Variants in STX7 observed in about 807,000 individuals in gnomAD.
STX7 encodes syntaxin-7.
A neutral mutation model predicts 39.6 loss-of-function variants in STX7; 34 were observed. The observed-to-expected ratio is 0.86, with a 90% CI of 0.65 to 1.14. The LOEUF (loss-of-function observed/expected upper bound fraction) is 1.14. STX7 is among the 50% of genes most tolerant of loss of function. The pLI is 0.00. For synonymous variants in STX7, 119 were observed against 99.1 expected (o/e 1.20, Z -1.19); for missense variants, 284 against 310.4 (o/e 0.92, Z 0.64).
intron 4 of STX7, 54 bp downstream of exon 4, chr6:132,472,228 C>T (rs1774740103): frequency 9.6e-6 from 13 of 1,356,736 alleles, no homozygotes; most frequent in Non-Finnish European, 1.1e-5. Context: ...TCCTACAGTG[C>T]ACTGGGTTTT....
At chr6:132,476,478 G>C (rs1261524635) in intron 2 of STX7, among the ~76,000 whole-genome samples, 16 of 152,028 alleles carry the variant, frequency 1.1e-4, no homozygotes, top group Non-Finnish European at 1.5e-5. Context: ...AAAGACAGAG[G>C]TGCTTTCTAA....
intron 2 of STX7, among the ~76,000 whole-genome samples, chr6:132,486,466 A>G (rs2114426470): frequency 6.6e-6 from 1 of 152,242 alleles, no homozygotes; most frequent in South Asian, 2.1e-4. Context: ...AGATGATTAT[A>G]TAGGTTTTCT....
chr6:132,461,645 T>C (rs939195146), intron 9 of STX7: 1 of 583,296 alleles, frequency 1.7e-6, no homozygotes, highest in African/African-American at 1.9e-5. Context: ...AATACAATGA[T>C]TTTGGAATGA....
At chr6:132,507,338 C>G (rs541338226) in intron 1 of STX7, among the ~76,000 whole-genome samples, 2 of 152,078 alleles carry the variant, frequency 1.3e-5, no homozygotes, top group Non-Finnish European at 2.9e-5. Context: ...TATGGCAATA[C>G]AATACACCTA....
At chr6:132,503,765 C>G (rs1775635761) in intron 1 of STX7, among the ~76,000 whole-genome samples, 177 bp from the exon 2 acceptor site, 4 of 151,530 alleles carry the variant, frequency 2.6e-5, no homozygotes, top group Admixed American at 2.6e-4. Context: ...AAAAACTGGA[C>G]TTCAAAGGAC....
At chr6:132,479,803 T>C (rs1774971059) in intron 2 of STX7, among the ~76,000 whole-genome samples, 1 of 152,230 alleles carries the variant, frequency 6.6e-6, no homozygotes, top group African/African-American at 2.4e-5. Context: ...TTTTCATTCA[T>C]CCTTTGGACT....
intron 2 of STX7, 93 bp downstream of exon 2, chr6:132,503,353 C>G: frequency 9.5e-7 from 1 of 1,058,004 alleles, no homozygotes; most frequent in Non-Finnish European, 1.5e-6. Context: ...GCTCCTCCCT[C>G]TCTCAATCAG....
At chr6:132,502,451 A>G (rs1256632857) in intron 2 of STX7, among the ~76,000 whole-genome samples, 2 of 152,130 alleles carry the variant, frequency 1.3e-5, no homozygotes, top group African/African-American at 4.8e-5. Context: ...CATAATTTAC[A>G]AACAAAAAAA....
At position 132,459,841 on chromosome 6, in the gene STX7, G is replaced by C. The variant is rs1340666082; in HGVS notation, c.*917C>G. ...GGTGCTCAAAAACAGTTAATTGTGG[G>C]AAAGTTACTTTCCAAAAGTAATTTT... On this transcript the variant is annotated 3_prime_UTR_variant, in exon 10 of 10. Coordinates refer to ENST00000367941, the MANE Select transcript of STX7 (RefSeq NM_003569.3). 3 of 152,064 alleles carry C rather than the reference G, an allele frequency of 2.0e-5. No homozygotes were observed. Among genetic ancestry groups the C allele is most frequent in the African/African-American group, 7.2e-5 (3 of 41,400 alleles). 9.4% of individuals were successfully genotyped at this position (152,064 alleles called of 1,614,324 possible).
chr6:132,446,015 T>C lies in STX7; in HGVS notation c.*14743A>G, dbSNP rs1774004144. On this transcript the variant is annotated 3_prime_UTR_variant, in exon 10 of 10. Transcript: ENST00000367941. ...TCAATTCAGCCCTGGATACAAAAAC[T>C]CTAAACACAGAGGGTTAAGGTATTA... 6.6e-6 allele frequency: 1 copy of C among 152,266 alleles called. No homozygotes were observed. Among genetic ancestry groups the C allele is most frequent in the South Asian group, 2.1e-4 (1 of 4,826 alleles). The allele number at this position is 152,266 out of a possible 1,614,324, so 9.4% of individuals were successfully genotyped here.
intron 2 of STX7, among the ~76,000 whole-genome samples, chr6:132,498,900 G>T (rs1267750774): frequency 6.6e-6 from 1 of 152,178 alleles, no homozygotes; most frequent in Non-Finnish European, 1.5e-5. Context: ...GTACAGTGAT[G>T]ACTGGTTTCA....
In STX7 at chr6:132,450,542, T is replaced by G. The variant is rs537707774; in HGVS notation, c.*10216A>C. 2 of 152,056 alleles carry G rather than the reference T, an allele frequency of 1.3e-5. No homozygotes were observed. Among genetic ancestry groups the G allele is most frequent in the South Asian group, 4.1e-4 (2 of 4,820 alleles). 9.4% of individuals were successfully genotyped at this position (152,056 alleles called of 1,614,324 possible). On this transcript the variant is annotated 3_prime_UTR_variant, in exon 10 of 10. Transcript: ENST00000367941. Reference sequence around the variant, plus strand: ...CTCTCAAAAAAAAAAAAATTGATACTCTCTTCTATAGTATAGGTTTATACT... The same window carrying G: ...CTCTCAAAAAAAAAAAAATTGATACGCTCTTCTATAGTATAGGTTTATACT...
chr6:132,446,701 A>T lies in STX7; in HGVS notation c.*14057T>A, dbSNP rs531711417. ...TATTAAAATGTTTTTTATGAACATG[A>T]GCATCTGGCTGCACATACAGAGCAG... On this transcript the variant is annotated 3_prime_UTR_variant, in exon 10 of 10. Coordinates refer to ENST00000367941, the MANE Select transcript of STX7 (RefSeq NM_003569.3). 9.2e-5 allele frequency: 14 copies of T among 152,286 alleles called. 1 individual carries two copies. Among genetic ancestry groups the T allele is most frequent in the African/African-American group, 3.1e-4 (13 of 41,560 alleles). The allele number at this position is 152,286 out of a possible 1,614,324, so 9.4% of individuals were successfully genotyped here. A position where few individuals can be genotyped will look rare whatever the true frequency, so the allele number is the denominator to read the frequency against.
chr6:132,482,526 G>C (rs543523511), intron 2 of STX7, among the ~76,000 whole-genome samples: 5 of 152,320 alleles, frequency 3.3e-5, no homozygotes, highest in Admixed American at 6.5e-5. Context: ...GCTAGGGTTA[G>C]AATGTAGATT....
At chr6:132,467,694 T>C (rs1029360462) in intron 8 of STX7, among the ~76,000 whole-genome samples, 4 of 152,188 alleles carry the variant, frequency 2.6e-5, no homozygotes, top group African/African-American at 7.2e-5. Context: ...GGATAAAAAA[T>C]AGTTACACTG....
In STX7 at chr6:132,470,650, G is replaced by A. The variant is rs767480490; in HGVS notation, c.388-24C>T. The A allele has an allele frequency of 5.7e-6, 9 of 1,585,788 alleles. No homozygotes were observed. The African/African-American group carries it at 8.1e-5, about 14-fold the overall frequency. ...CCCTGAATAATTTAGTAACAGGATGGAATGAGAAGGGGCAAAAAAAGCAAA... is the reference window on the plus strand; with the variant it reads ...CCCTGAATAATTTAGTAACAGGATGAAATGAGAAGGGGCAAAAAAAGCAAA... On this transcript the variant is annotated intron_variant, in intron 5 of 9. Coordinates refer to ENST00000367941, the MANE Select transcript of STX7 (RefSeq NM_003569.3).
At chr6:132,502,185 G>C (rs1775581080) in intron 2 of STX7, among the ~76,000 whole-genome samples, 1 of 152,196 alleles carries the variant, frequency 6.6e-6, no homozygotes, top group South Asian at 2.1e-4. Flanking sequence ...AAACACACTA[G>C]CATCTCATTT....
intron 2 of STX7, among the ~76,000 whole-genome samples, chr6:132,486,738 C>T (rs1775143052): frequency 6.8e-6 from 1 of 148,078 alleles, no homozygotes; most frequent in African/African-American, 2.5e-5. Context: ...GTGACCTCAG[C>T]TTACTGGAAC....
rs998959383 is a variant in STX7 at position 132,447,513 on chromosome 6, T to G, written c.*13245A>C. ...CATGTTGTTCTATTTACTTTTTTGC[T>G]GCTCGAGCTAAAAATTGAGTGACTT... On this transcript the variant is annotated 3_prime_UTR_variant, in exon 10 of 10. Transcript: ENST00000367941. 1 of 152,148 alleles carries G rather than the reference T, an allele frequency of 6.6e-6. No individual in the cohort carries two copies. The highest frequency in any genetic ancestry group is 1.5e-5 in the Non-Finnish European group (1 of 68,028). 9.4% of individuals were successfully genotyped at this position (152,148 alleles called of 1,614,324 possible).
Sources: allele counts gnomAD v4.1 joint callset (sites outside exome capture counted in the v4.1 genomes callset), GRCh38; gene constraint gnomAD v4.1.1; transcripts MANE v1.5; gene names NCBI Gene and HGNC (gene_info 2026-07-23, HGNC 2026-07-21).